Variants in PARD3 observed in about 807,000 individuals in gnomAD.
PARD3 encodes the protein par-3 family cell polarity regulator, also known as partitioning defective 3 homolog.
PARD3 carries 75 observed loss-of-function variants against 155.4 expected under a neutral mutation model. The ratio of observed to expected loss-of-function variants is 0.48; its 90% confidence interval spans 0.40 to 0.58. The LOEUF is 0.58. PARD3 is among the 20% of genes least tolerant of loss of function. PARD3 has a pLI of 0.00. For missense variants in PARD3, 1,642 were observed against 1,721.7 expected (o/e 0.95, Z 0.82); for synonymous variants, 576 against 610.5 (o/e 0.94, Z 0.83).
intron 14 of PARD3, 24 bp from the exon 15 acceptor site, chr10:34,348,139 C>CA: frequency 1.9e-6 from 3 of 1,569,466 alleles, no homozygotes; most frequent in Non-Finnish European, 2.6e-6. Context: ...GGTATGGGGG[C>CA]AAAGAAAAAT....
At chr10:34,640,202 C>G (rs773067718) in intron 2 of PARD3, among the ~76,000 whole-genome samples, 12 of 152,208 alleles carry the variant, frequency 7.9e-5, no homozygotes, top group Non-Finnish European at 1.6e-4. Flanking sequence ...TGCCCCATCC[C>G]TGGGCCTGGA....
chr10:34,115,045 T>A (rs994301196), intron 24 of PARD3, among the ~76,000 whole-genome samples: 1 of 152,120 alleles, frequency 6.6e-6, no homozygotes, highest in African/African-American at 2.4e-5. Context: ...ACCATCAGCA[T>A]GGAGAGGACT....
rs377717638 is a variant in PARD3, at chr10:34,230,634, C to T, written c.3419+39023G>A. On this transcript the variant is annotated intron_variant, in intron 22 of 24. Transcript: ENST00000374788. The stretch of plus-strand genomic sequence containing the variant: ...TTGGCCTTTTCCTTCTCAATGCAAA[C>T]CAACCACCAGGAAAGCTAGAAACTC... Among the ~76,000 whole-genome samples the T allele has an allele frequency of 1.8e-3, 279 of 152,156 alleles. 7 individuals carry two copies. The highest frequency in any genetic ancestry group is 6.1e-3 in the African/African-American group (251 of 41,456).
intron 2 of PARD3, among the ~76,000 whole-genome samples, chr10:34,653,110 G>C (rs758986946): frequency 2.1e-4 from 32 of 152,162 alleles, no homozygotes; most frequent in Non-Finnish European, 3.4e-4. Flanking sequence ...GGATGAGAAA[G>C]GTTTGGAGGG....
At chr10:34,541,647 T>C (rs987445116) in intron 2 of PARD3, among the ~76,000 whole-genome samples, 2 of 152,222 alleles carry the variant, frequency 1.3e-5, no homozygotes, top group Non-Finnish European at 2.9e-5. Flanking sequence ...GAAGTGCTGG[T>C]GCCTAAACTG....
chr10:34,540,947 C>T (rs919654992), intron 2 of PARD3, among the ~76,000 whole-genome samples: 1 of 152,142 alleles, frequency 6.6e-6, no homozygotes, highest in Non-Finnish European at 1.5e-5. Flanking sequence ...GAATTGGAGA[C>T]ATCAAGCTTA....
At chr10:34,767,745 C>T (rs773428968) in intron 1 of PARD3, among the ~76,000 whole-genome samples, 3 of 151,770 alleles carry the variant, frequency 2.0e-5, no homozygotes, top group Admixed American at 1.3e-4. Flanking sequence ...ATTACAGGCA[C>T]GCGCCACCAC....
intron 2 of PARD3, among the ~76,000 whole-genome samples, chr10:34,525,559 G>C (rs2082415647): frequency 6.6e-6 from 1 of 152,146 alleles, no homozygotes; most frequent in Non-Finnish European, 1.5e-5. Flanking sequence ...CGTGGAAACA[G>C]GGGTCAACAG....
At chr10:34,121,091 G>A (rs1946976116) in intron 23 of PARD3, among the ~76,000 whole-genome samples, 1 of 151,528 alleles carries the variant, frequency 6.6e-6, no homozygotes, top group Non-Finnish European at 1.5e-5. Flanking sequence ...AAAACGAAAA[G>A]AAAGAAAAGA....
chr10:34,445,320 T>C (rs770355819), intron 5 of PARD3, among the ~76,000 whole-genome samples: 4 of 152,170 alleles, frequency 2.6e-5, no homozygotes, highest in Non-Finnish European at 5.9e-5. Context: ...CTGAAAAAAT[T>C]TGAGAGGGAG....
intron 2 of PARD3, among the ~76,000 whole-genome samples, chr10:34,654,984 C>T (rs533784485): frequency 6.6e-6 from 1 of 152,142 alleles, no homozygotes; most frequent in African/African-American, 2.4e-5. Context: ...AACGGACGTG[C>T]CCAGGACAAA....
intron 2 of PARD3, among the ~76,000 whole-genome samples, chr10:34,666,782 A>C (rs1056370483): frequency 0.013 from 1,176 of 87,894 alleles, 58 homozygotes; most frequent in African/African-American, 0.065. Flanking sequence ...CCCCCTAAAA[A>C]AAAAAAAAAA....
chr10:34,366,706 A>G (rs1839999492), intron 12 of PARD3, among the ~76,000 whole-genome samples: 1 of 152,220 alleles, frequency 6.6e-6, no homozygotes. Context: ...ATTTTTAACT[A>G]AGAGAAAGAT....
At chr10:34,481,767 T>C (rs1317169854) in intron 3 of PARD3, among the ~76,000 whole-genome samples, 1 of 152,104 alleles carries the variant, frequency 6.6e-6, no homozygotes, top group Non-Finnish European at 1.5e-5. Flanking sequence ...GGGGCCAAGA[T>C]GTTGAGAGTC....
chr10:34,694,318 G>A (rs2094125104), intron 2 of PARD3, among the ~76,000 whole-genome samples: 1 of 151,936 alleles, frequency 6.6e-6, no homozygotes, highest in Non-Finnish European at 1.5e-5. Flanking sequence ...TGTTGGAATT[G>A]AGCCACACAA....
rs968509369 is a variant in PARD3 at position 34,605,074 on chromosome 10, A to G, written c.223-87915T>C. ...TTATTATATGTTTCCTGCTCTAATTATTAATGAAAATAATTTTGTTGTACA... is the reference window on the plus strand; with the variant it reads ...TTATTATATGTTTCCTGCTCTAATTGTTAATGAAAATAATTTTGTTGTACA... On this transcript the variant is annotated intron_variant, in intron 2 of 24. Coordinates refer to ENST00000374788, the MANE Select transcript of PARD3 (RefSeq NM_001184785.2). Among the ~76,000 whole-genome samples, 4 of 151,612 alleles carry G rather than the reference A, an allele frequency of 2.6e-5. No homozygotes were observed. In the East Asian group the frequency reaches 7.7e-4, roughly 29 times the overall value.
At chr10:34,601,352 A>C (rs1238167165) in intron 2 of PARD3, among the ~76,000 whole-genome samples, 1 of 151,826 alleles carries the variant, frequency 6.6e-6, no homozygotes, top group Non-Finnish European at 1.5e-5. Context: ...CTAAGGCAGG[A>C]GGATCTTGAG....
At chr10:34,456,612 A>T (rs1169323385) in intron 4 of PARD3, among the ~76,000 whole-genome samples, 1 of 152,148 alleles carries the variant, frequency 6.6e-6, no homozygotes, top group Non-Finnish European at 1.5e-5. Flanking sequence ...TTCTTTTTCA[A>T]CTGAGTTAAA....
At chr10:34,376,666 A>G (rs1564643451) in intron 10 of PARD3, among the ~76,000 whole-genome samples, 1 of 152,196 alleles carries the variant, frequency 6.6e-6, no homozygotes, top group Non-Finnish European at 1.5e-5. Context: ...TGGGAATAAA[A>G]TTTAAGGGAT....
Sources: gnomAD v4.1 joint callset for allele counts (sites outside exome capture counted in the v4.1 genomes callset) on GRCh38, gnomAD v4.1.1 for gene constraint, MANE v1.5 for transcripts, NCBI Gene and HGNC (gene_info 2026-07-23, HGNC 2026-07-21) for gene names.